TBCK: variants seen among roughly 807,000 people sequenced by gnomAD.
TBCK encodes TBC1 domain containing kinase, also known as TBC domain-containing protein kinase-like protein.
Under a neutral mutation model 113.4 loss-of-function variants are expected in TBCK, and 99 were observed. That is an observed-to-expected ratio of 0.87 (90% CI 0.74 to 1.03). The LOEUF is 1.03. Among genes scored for constraint, TBCK ranks in the 50% least tolerant of loss-of-function variants. The pLI is 0.00. For synonymous variants in TBCK, 369 were observed against 370.8 expected (o/e 1.00, Z 0.05); for missense variants, 1,045 against 1,061.3 (o/e 0.98, Z 0.21).
intron 9 of TBCK, 190 bp from the exon 10 acceptor site, chr4:106,247,477 A>AT (rs893575264): frequency 1.2e-5 from 6 of 507,096 alleles, no homozygotes; most frequent in East Asian, 3.7e-5. Context: ...TAAATACTGA[A>AT]TTTTTTTTAC....
intron 14 of TBCK, among the ~76,000 whole-genome samples, chr4:106,236,188 A>AT: frequency 6.6e-6 from 1 of 152,088 alleles, no homozygotes; most frequent in African/African-American, 2.4e-5. Context: ...GATTTTGCAT[A>AT]TGTTACCACA....
intron 23 of TBCK, among the ~76,000 whole-genome samples, chr4:106,122,422 T>C (rs1744539185): frequency 6.6e-6 from 1 of 152,156 alleles, no homozygotes; most frequent in South Asian, 2.1e-4. Flanking sequence ...CCAGATGGAT[T>C]CACAGTTGAA....
chr4:106,075,645 T>A (rs1474158165), intron 25 of TBCK, among the ~76,000 whole-genome samples: 6 of 152,156 alleles, frequency 3.9e-5, no homozygotes, highest in Non-Finnish European at 8.8e-5. Context: ...AAGAAATGAG[T>A]TACCTATTGA....
chr4:106,170,025 GC>G (rs1419807515), intron 23 of TBCK, among the ~76,000 whole-genome samples: 1 of 152,018 alleles, frequency 6.6e-6, no homozygotes, highest in East Asian at 1.9e-4. Context: ...TGGTGTGCCT[GC>G]CATTCACCTC....
intron 23 of TBCK, among the ~76,000 whole-genome samples, chr4:106,127,227 A>AAC (rs1491065396): frequency 6.6e-6 from 1 of 150,574 alleles, no homozygotes; most frequent in Non-Finnish European, 1.5e-5. Flanking sequence ...AAAAAAAAAA[A>AAC]AGAAGTTAGG....
At chr4:106,189,714 T>C (rs1213002097) in intron 22 of TBCK, among the ~76,000 whole-genome samples, 1 of 152,192 alleles carries the variant, frequency 6.6e-6, no homozygotes. Flanking sequence ...CTGATGTTAT[T>C]TTAAATACTT....
At chr4:106,204,130 G>T (rs1248261656) in intron 20 of TBCK, among the ~76,000 whole-genome samples, 2 of 152,150 alleles carry the variant, frequency 1.3e-5, no homozygotes, top group Non-Finnish European at 2.9e-5. Context: ...AACAATTATA[G>T]TGTGCCTGGA....
chr4:106,154,236 T>C (rs1748866645), intron 23 of TBCK, among the ~76,000 whole-genome samples: 1 of 152,142 alleles, frequency 6.6e-6, no homozygotes, highest in East Asian at 1.9e-4. Flanking sequence ...TGTTTTTTGA[T>C]TTGACGTTAC....
intron 20 of TBCK, among the ~76,000 whole-genome samples, chr4:106,201,841 A>G (rs551298837): frequency 5.9e-4 from 90 of 152,022 alleles, no homozygotes; most frequent in Non-Finnish European, 1.2e-3. Flanking sequence ...AGTCAGAAGT[A>G]TTTTCATATT....
intron 3 of TBCK, among the ~76,000 whole-genome samples, chr4:106,288,620 C>T (rs1429176293): frequency 2.0e-5 from 3 of 152,108 alleles, no homozygotes; most frequent in African/African-American, 7.2e-5. Flanking sequence ...TTTCTATCAC[C>T]GAAGATAAAT....
At chr4:106,315,276 A>G (rs1768676433) in intron 1 of TBCK, among the ~76,000 whole-genome samples, 1 of 152,198 alleles carries the variant, frequency 6.6e-6, no homozygotes, top group Admixed American at 6.5e-5. Flanking sequence ...GGCAAAGGAT[A>G]ATGAACAAGT....
chr4:106,263,721 CA>C (rs1268372915), intron 3 of TBCK, among the ~76,000 whole-genome samples: 1 of 151,720 alleles, frequency 6.6e-6, no homozygotes, highest in African/African-American at 2.4e-5. Context: ...ATAATTGTTG[CA>C]ACCTGATTCT....
intron 3 of TBCK, among the ~76,000 whole-genome samples, chr4:106,278,391 C>T (rs931598626): frequency 6.6e-6 from 1 of 151,742 alleles, no homozygotes; most frequent in Non-Finnish European, 1.5e-5. Context: ...AACCCCATCT[C>T]TACTAAAAAT....
intron 25 of TBCK, among the ~76,000 whole-genome samples, chr4:106,090,097 G>C (rs987987846): frequency 6.6e-6 from 1 of 152,214 alleles, no homozygotes; most frequent in African/African-American, 2.4e-5. Flanking sequence ...TCCTGTAGTA[G>C]GCTTCTGCCT....
At chr4:106,098,216 C>T (rs1741156748) in intron 24 of TBCK, among the ~76,000 whole-genome samples, 1 of 151,974 alleles carries the variant, frequency 6.6e-6, no homozygotes, top group African/African-American at 2.4e-5. Context: ...AGGCCTTTCT[C>T]ATTACATAAA....
chr4:106,090,449 C>T (rs1178811433), intron 25 of TBCK, among the ~76,000 whole-genome samples: 1 of 152,178 alleles, frequency 6.6e-6, no homozygotes, highest in East Asian at 1.9e-4. Context: ...GCCTTTTACC[C>T]ATTGTCTTGG....
intron 2 of TBCK, among the ~76,000 whole-genome samples, chr4:106,299,085 C>A (rs865843894): frequency 2.0e-5 from 3 of 152,186 alleles, no homozygotes; most frequent in Non-Finnish European, 4.4e-5. Flanking sequence ...TAGTTGCACA[C>A]AGGTGCATCA....
At chr4:106,290,812 A>G (rs1205321162) in intron 3 of TBCK, among the ~76,000 whole-genome samples, 1 of 152,174 alleles carries the variant, frequency 6.6e-6, no homozygotes, top group Non-Finnish European at 1.5e-5. Flanking sequence ...CTCCTGTCAG[A>G]TCAGCAGCAG....
At position 106,194,735 on chromosome 4, in the gene TBCK, A is replaced by C. The variant is rs1579198426; in HGVS notation, c.1880T>G (p.Phe627Cys). 2.5e-6 allele frequency: 4 copies of C among 1,590,258 alleles called. No homozygotes were observed. Among genetic ancestry groups the C allele is most frequent in the Non-Finnish European group, 3.4e-6 (4 of 1,172,420 alleles). ...ATACTTACGAGTAAACATGGTAAGA[A>C]ACCAAGGGATGGCATAGAGCTATGA... ...FIPDLYAIPWFLTMFTHVFPL... is the reference protein window; with the variant it reads ...FIPDLYAIPWCLTMFTHVFPL... Residue 627 changes from phenylalanine (F) to cysteine (C), a missense_variant, in exon 21 of 26, where the codon TTT becomes TGT. Phe to Cys is a radical substitution (Grantham distance 205). Transcript: ENST00000394708.
Sources: allele counts gnomAD v4.1 joint callset (sites outside exome capture counted in the v4.1 genomes callset), GRCh38; gene constraint gnomAD v4.1.1; transcripts MANE v1.5; gene names NCBI Gene and HGNC (gene_info 2026-07-23, HGNC 2026-07-21).